Variants in UIMC1 observed in about 807,000 individuals in gnomAD.
UIMC1 encodes the protein ubiquitin interaction motif containing 1.
Under a neutral mutation model 84.9 loss-of-function variants are expected in UIMC1, and 42 were observed. The ratio of observed to expected loss-of-function variants is 0.49; its 90% CI spans 0.39 to 0.64. UIMC1 has a LOEUF of 0.64. Ranked by LOEUF, UIMC1 falls within the 30% of genes least tolerant of loss-of-function variation. UIMC1 has a pLI of 0.00. For missense variants in UIMC1, 825 were observed against 847.6 expected (o/e 0.97, Z 0.33); for synonymous variants, 281 against 293.0 (o/e 0.96, Z 0.42).
intron 7 of UIMC1, among the ~76,000 whole-genome samples, chr5:176,956,424 G>A (rs1003507466): frequency 6.6e-6 from 1 of 152,190 alleles, no homozygotes; most frequent in Non-Finnish European, 1.5e-5. Flanking sequence ...AAACTGACAA[G>A]AGAAGACACA....
intron 9 of UIMC1, among the ~76,000 whole-genome samples, chr5:176,950,204 A>T (rs1765688921): frequency 1.4e-5 from 2 of 143,340 alleles, no homozygotes; most frequent in Admixed American, 1.4e-4. Flanking sequence ...GGTTCAAGCC[A>T]TTCTCCTGCC....
chr5:176,905,321 T>C lies in UIMC1; in HGVS notation c.2121A>G (p.Thr707=), dbSNP rs747601054. The C allele has an allele frequency of 3.1e-6, 5 of 1,614,142 alleles. No individual in the cohort carries two copies. The South Asian group carries it at 3.3e-5, about 11-fold the overall frequency. Reference sequence around the variant, plus strand: ...TTCTTCCTCTGCCAGCTTTGGTCCGTGTCCGACTACCTGGCTGGACAGTAA... The same window carrying C: ...TTCTTCCTCTGCCAGCTTTGGTCCGCGTCCGACTACCTGGCTGGACAGTAA... ...KQVTVQPGSR[T]RTKAGRGRRR... The change falls in exon 15 of 15, where the codon ACA becomes ACG. Residue 707 remains threonine, a synonymous_variant. Coordinates refer to ENST00000511320, the MANE Select transcript of UIMC1 (RefSeq NM_001199298.2).
upstream of UIMC1, among the ~76,000 whole-genome samples, chr5:177,009,959 T>C (rs1384272918): frequency 6.6e-6 from 1 of 151,834 alleles, no homozygotes; most frequent in Non-Finnish European, 1.5e-5. This position sits in a 1 kb window ranked among gnomAD's most constrained non-coding sequence, Gnocchi z 4.3. Context: ...TTGCTTGAAC[T>C]CCAACCTGGG....
At chr5:176,934,014 T>C (rs978704411) in intron 10 of UIMC1, among the ~76,000 whole-genome samples, 3 of 152,166 alleles carry the variant, frequency 2.0e-5, no homozygotes, top group African/African-American at 7.2e-5. Flanking sequence ...GTACTATACA[T>C]AGTCATACCC....
intron 10 of UIMC1, among the ~76,000 whole-genome samples, chr5:176,927,287 T>C (rs1762501125): frequency 6.6e-6 from 1 of 150,866 alleles, no homozygotes; most frequent in South Asian, 2.1e-4. Context: ...GGAGTCTCAC[T>C]CTGTTGCCCA....
At chr5:176,942,137 G>C (rs1451193938) in intron 10 of UIMC1, among the ~76,000 whole-genome samples, 1 of 152,156 alleles carries the variant, frequency 6.6e-6, no homozygotes, top group Non-Finnish European at 1.5e-5. Context: ...ACCGCGCCCA[G>C]CCTCTGGTAC....
intron 6 of UIMC1, among the ~76,000 whole-genome samples, chr5:176,967,682 G>A (rs1453466107): frequency 6.6e-6 from 1 of 152,048 alleles, no homozygotes; most frequent in Non-Finnish European, 1.5e-5. Context: ...GTAGGTGGAT[G>A]GCTTGAGTAC....
At chr5:176,987,454 T>C (rs1209233654) in intron 1 of UIMC1, among the ~76,000 whole-genome samples, 1 of 151,716 alleles carries the variant, frequency 6.6e-6, no homozygotes, top group Non-Finnish European at 1.5e-5. Flanking sequence ...GAGACCAGCC[T>C]GGCCAACATG....
intron 10 of UIMC1, among the ~76,000 whole-genome samples, chr5:176,931,527 G>C (rs748654607): frequency 1.3e-5 from 2 of 152,232 alleles, no homozygotes; most frequent in Non-Finnish European, 2.9e-5. Context: ...TCAATATTAA[G>C]AGAGGAACAA....
intron 10 of UIMC1, among the ~76,000 whole-genome samples, chr5:176,936,378 T>C (rs538683804): frequency 2.0e-5 from 3 of 152,238 alleles, no homozygotes; most frequent in Non-Finnish European, 4.4e-5. Context: ...ACATTTCTTC[T>C]ACTTTATCAT....
intron 7 of UIMC1, among the ~76,000 whole-genome samples, chr5:176,957,577 G>A (rs1766761965): frequency 6.6e-6 from 1 of 152,212 alleles, no homozygotes; most frequent in Admixed American, 6.5e-5. Flanking sequence ...GACAGACAGT[G>A]AGAGTGACAC....
chr5:176,984,488 G>A (rs1041860257), intron 1 of UIMC1, among the ~76,000 whole-genome samples: 5 of 138,990 alleles, frequency 3.6e-5, no homozygotes, highest in Admixed American at 1.5e-4. Context: ...CTGCCTGGCC[G>A]CCCCATCTAG....
chr5:176,982,932 C>A (rs1205778175), intron 1 of UIMC1, among the ~76,000 whole-genome samples: 3 of 152,200 alleles, frequency 2.0e-5, no homozygotes, highest in Non-Finnish European at 2.9e-5. Context: ...CTCCTCACTT[C>A]AGGTGATCCA....
intron 1 of UIMC1, among the ~76,000 whole-genome samples, chr5:177,017,251 T>G (rs1775692553): frequency 6.6e-6 from 1 of 152,130 alleles, no homozygotes; most frequent in Non-Finnish European, 1.5e-5. Flanking sequence ...CCACCTCTAA[T>G]AGTTTGAGAT....
intron 10 of UIMC1, among the ~76,000 whole-genome samples, chr5:176,923,698 T>C (rs1761988946): frequency 6.6e-6 from 1 of 151,550 alleles, no homozygotes; most frequent in South Asian, 2.1e-4. Context: ...ACTCTGTCTC[T>C]ACTAAAAATA....
intron 1 of UIMC1, among the ~76,000 whole-genome samples, chr5:176,984,591 G>A (rs532651634): frequency 7.2e-5 from 11 of 152,000 alleles, no homozygotes; most frequent in Non-Finnish European, 1.3e-4. Context: ...CAACAGCTCC[G>A]AAGAGACAGC....
At chr5:176,915,793 C>CAAAAAAAAAAAAAAAAAAAAAAA (rs58297107) in intron 10 of UIMC1, among the ~76,000 whole-genome samples, 1 of 42,662 alleles carries the variant, frequency 2.3e-5, no homozygotes, top group Non-Finnish European at 4.8e-5. Flanking sequence ...GGTCACAAAG[C>CAAAAAAAAAAAAAAAAAAAAAAA]AAAAAAAAAA....
At chr5:176,925,826 T>C (rs1252531615) in intron 10 of UIMC1, among the ~76,000 whole-genome samples, 1 of 152,184 alleles carries the variant, frequency 6.6e-6, no homozygotes, top group Non-Finnish European at 1.5e-5. Flanking sequence ...CGTGTCTTGA[T>C]AGGTATACGC....
Position 176,911,266 on chromosome 5 carries a change from T to C in UIMC1, c.1676+45A>G, listed in dbSNP as rs368552305. On this transcript the variant is annotated intron_variant, in intron 11 of 14. Coordinates refer to ENST00000511320, the MANE Select transcript of UIMC1 (RefSeq NM_001199298.2). Reference sequence around the variant, plus strand: ...TGGTCTTTTTATTCAGTCCAAACGATGGTATGTTATACAAGAGCTCCGTGA... The same window carrying C: ...TGGTCTTTTTATTCAGTCCAAACGACGGTATGTTATACAAGAGCTCCGTGA... 1.5e-4 allele frequency: 223 copies of C among 1,487,286 alleles called. 1 individual carries two copies. The highest frequency in any genetic ancestry group is 1.9e-4 in the Non-Finnish European group (210 of 1,101,480). 92.1% of individuals were successfully genotyped at this position (1,487,286 alleles called of 1,614,324 possible). A position where few individuals can be genotyped will look rare whatever the true frequency, so the allele number is the denominator to read the frequency against.
Sources: gnomAD v4.1 joint callset for allele counts (sites outside exome capture counted in the v4.1 genomes callset) on GRCh38, gnomAD v4.1.1 for gene constraint, Gnocchi (gnomAD v3.1) non-coding constraint, MANE v1.5 for transcripts, NCBI Gene and HGNC (gene_info 2026-07-23, HGNC 2026-07-21) for gene names.